Variants in POLA1 observed in about 807,000 individuals in gnomAD.
POLA1 encodes the protein DNA polymerase alpha catalytic subunit.
In POLA1, 15 loss-of-function variants were observed where a neutral mutation model predicts 124.0. The ratio of observed to expected loss-of-function variants is 0.12; its 90% CI spans 0.08 to 0.19. POLA1 has a LOEUF of 0.19. Ranked by LOEUF, POLA1 falls within the 10% of genes least tolerant of loss-of-function variation. The probability of loss-of-function intolerance (pLI) is 1.00; values close to 1 mark genes in which losing one functional copy is unlikely to be tolerated. For missense variants in POLA1, 886 were observed against 1,103.4 expected (o/e 0.80, Z 2.79); for synonymous variants, 408 against 389.4 (o/e 1.05, Z -0.56).
chrX:24,773,366 CAG>C (rs765692457), intron 26 of POLA1, among the ~76,000 whole-genome samples: 1 of 111,872 alleles, frequency 8.9e-6, no homozygotes, highest in South Asian at 3.8e-4. Context: ...TTGATGAAAA[CAG>C]AACATGAGCT....
At chrX:24,798,612 TTATATG>T (rs900630060) in intron 26 of POLA1, among the ~76,000 whole-genome samples, 1 of 111,367 alleles carries the variant, frequency 9.0e-6, no homozygotes, top group African/African-American at 3.3e-5. Flanking sequence ...AGTTTGTTGT[TTATATG>T]TATATAATAC....
intron 36 of POLA1, among the ~76,000 whole-genome samples, chrX:24,980,180 C>G (rs1214371816): frequency 9.0e-6 from 1 of 111,611 alleles, no homozygotes; most frequent in African/African-American, 3.3e-5. Context: ...TTGTAGAACT[C>G]GTCAGGAAAA....
At chrX:24,902,002 GTGCACACA>G (rs1569355609) in intron 35 of POLA1, among the ~76,000 whole-genome samples, 1 of 106,910 alleles carries the variant, frequency 9.4e-6, no homozygotes. Context: ...GTGCATGTGC[GTGCACACA>G]CACACACACA....
At chrX:24,726,795 A>C in intron 13 of POLA1, 138 bp from the exon 14 acceptor site, 1 of 428,387 alleles carries the variant, frequency 2.3e-6, no homozygotes. Context: ...CATTTGTGGC[A>C]AATTACATTT....
intron 26 of POLA1, among the ~76,000 whole-genome samples, chrX:24,766,991 G>GTTCA (rs1172993011): frequency 8.9e-6 from 1 of 111,922 alleles, no homozygotes; most frequent in Non-Finnish European, 1.9e-5. Flanking sequence ...TTTTGAAGCT[G>GTTCA]TTCAGTGTTT....
chrX:24,883,564 AC>A (rs2047029550), intron 34 of POLA1, among the ~76,000 whole-genome samples: 1 of 112,219 alleles, frequency 8.9e-6, no homozygotes, highest in Admixed American at 9.4e-5. Context: ...TCAACATTTG[AC>A]ACAATTTCAT....
At chrX:24,960,543 TATAAG>T (rs751913081) in intron 36 of POLA1, among the ~76,000 whole-genome samples, 2 of 111,803 alleles carry the variant, frequency 1.8e-5, no homozygotes, top group South Asian at 3.8e-4. Flanking sequence ...AATCGATCCT[TATAAG>T]ATAATCTTTC....
intron 4 of POLA1, among the ~76,000 whole-genome samples, chrX:24,710,540 G>A (rs1438082655): frequency 1.8e-5 from 2 of 110,799 alleles, no homozygotes; most frequent in African/African-American, 6.6e-5. Flanking sequence ...CATTTGGATT[G>A]TTTCTACCTT....
intron 26 of POLA1, among the ~76,000 whole-genome samples, chrX:24,750,802 ACT>A (rs747075681): frequency 1.5e-4 from 17 of 110,847 alleles, no homozygotes; most frequent in Admixed American, 9.6e-5. Context: ...GTCATTTATG[ACT>A]CTGGTTCTGC....
chrX:24,871,419 A>G (rs1317312093), intron 34 of POLA1, among the ~76,000 whole-genome samples: 1 of 111,740 alleles, frequency 8.9e-6, no homozygotes, highest in Non-Finnish European at 1.9e-5. Context: ...ATTCACCGAC[A>G]TATATTACTC....
intron 1 of POLA1, among the ~76,000 whole-genome samples, chrX:24,698,647 T>G (rs905758575): frequency 1.8e-5 from 2 of 111,354 alleles, no homozygotes; most frequent in Non-Finnish European, 3.8e-5. Context: ...TGTTGTTGTT[T>G]TTTGTTTTTG....
chrX:24,748,334 T>A lies in POLA1; in HGVS notation c.2715T>A (p.Pro905=). The A allele has an allele frequency of 1.7e-6, 2 of 1,195,761 alleles. No homozygotes were observed. Among genetic ancestry groups the A allele is most frequent in the Middle Eastern group, 2.3e-4 (1 of 4,297 alleles). Residue 905 remains proline (P), a synonymous_variant, in exon 25 of 37, where the codon CCT becomes CCA. Transcript: ENST00000379068. ...AGGATGGAGAACAAGAACAGATCCC[T>A]GAGTTGCCAGATCCAAGCTTAGAAA... ...VTEDGEQEQI[P]ELPDPSLEMG...
At chrX:24,964,432 A>C (rs1364716791) in intron 36 of POLA1, among the ~76,000 whole-genome samples, 1 of 112,925 alleles carries the variant, frequency 8.9e-6, no homozygotes, top group Non-Finnish European at 1.9e-5. Flanking sequence ...CATCCTAGAA[A>C]TCTTGAATTG....
chrX:24,776,861 T>C (rs775561613), intron 26 of POLA1, among the ~76,000 whole-genome samples: 3 of 112,401 alleles, frequency 2.7e-5, no homozygotes, highest in Admixed American at 9.4e-5. Flanking sequence ...TTGATGAACG[T>C]GATCTAGGCC....
At chrX:24,738,236 A>AG (rs1428225474) in intron 19 of POLA1, among the ~76,000 whole-genome samples, 1 of 96,827 alleles carries the variant, frequency 1.0e-5, no homozygotes, top group Admixed American at 1.0e-4. Flanking sequence ...AAAAAAAAAA[A>AG]AAAAAAAAAA....
intron 36 of POLA1, among the ~76,000 whole-genome samples, chrX:24,975,708 C>T (rs1293328243): frequency 8.9e-6 from 1 of 112,292 alleles, no homozygotes; most frequent in Non-Finnish European, 1.9e-5. Context: ...AAGGGTCACT[C>T]CAGATGTCCC....
intron 36 of POLA1, among the ~76,000 whole-genome samples, chrX:24,980,985 T>G (rs1159407698): frequency 2.7e-5 from 3 of 112,080 alleles, no homozygotes; most frequent in African/African-American, 9.7e-5. Context: ...TGTGTAGCCT[T>G]TGATAAGTGG....
intron 35 of POLA1, among the ~76,000 whole-genome samples, chrX:24,909,028 G>A (rs945503208): frequency 8.9e-6 from 1 of 112,225 alleles, no homozygotes; most frequent in Non-Finnish European, 1.9e-5. Context: ...CTGCATAAAT[G>A]TCTTATTTTG....
intron 26 of POLA1, among the ~76,000 whole-genome samples, chrX:24,750,289 T>C (rs1932255830): frequency 8.9e-6 from 1 of 112,613 alleles, no homozygotes; most frequent in Non-Finnish European, 1.9e-5. Context: ...AGTAGAACTT[T>C]ATGATGATGA....
Sources: gnomAD v4.1 joint callset for allele counts (sites outside exome capture counted in the v4.1 genomes callset) on GRCh38, gnomAD v4.1.1 for gene constraint, MANE v1.5 for transcripts, NCBI Gene and HGNC (gene_info 2026-07-23, HGNC 2026-07-21) for gene names.